Variants in UTRN observed in about 807,000 individuals in gnomAD.
The protein encoded by UTRN is dystrophin-related protein 1.
In UTRN, 283 loss-of-function variants were observed where a neutral mutation model predicts 463.9. That is an observed-to-expected ratio of 0.61 (90% CI 0.55 to 0.67). The LOEUF is 0.67. Among genes scored for constraint, UTRN ranks in the 30% least tolerant of loss-of-function variants. The pLI is 0.00. For synonymous variants in UTRN, 1,442 were observed against 1,431.5 expected (o/e 1.01, Z -0.17); for missense variants, 3,922 against 4,084.3 (o/e 0.96, Z 1.08).
Position 144,782,123 on chromosome 6 carries a change from C to T in UTRN, c.8834C>T (p.Thr2945Met), listed in dbSNP as rs200724401. ...CLNWLLNVYD[T>M]GRTGKIRVQS... ...AATTGGTTGCTCAATGTCTATGACA[C>T]GTAAGTTTATATTTTTTCTCATTAA... The change falls in exon 61 of 75, where the codon ACG becomes ATG. Residue 2945 changes from threonine to methionine, a missense_variant and splice_region_variant. Physicochemically the swap from Thr to Met is moderately conservative, Grantham distance 81 (BLOSUM62 -1). This residue lies in a region of UTRN where 1,309 missense variants were observed against 1,452.6 expected (regional missense o/e 0.90). Coordinates refer to ENST00000367545, the MANE Select transcript of UTRN (RefSeq NM_007124.3). 43 of 1,577,008 alleles carry T rather than the reference C, an allele frequency of 2.7e-5. No individual in the cohort carries two copies. Among genetic ancestry groups the T allele is most frequent in the Middle Eastern group, 1.7e-4 (1 of 5,946 alleles).
At chr6:144,591,476 A>C (rs544074848) in intron 51 of UTRN, among the ~76,000 whole-genome samples, 3 of 152,296 alleles carry the variant, frequency 2.0e-5, no homozygotes, top group Admixed American at 6.5e-5. Flanking sequence ...ATGGCCCCTA[A>C]AAATCTAGTT....
intron 51 of UTRN, among the ~76,000 whole-genome samples, chr6:144,654,078 C>T (rs1779091863): frequency 6.6e-6 from 1 of 152,090 alleles, no homozygotes; most frequent in African/African-American, 2.4e-5. Context: ...TGGTGTGTGA[C>T]TTTTTGTGGG....
At chr6:144,834,029 G>A (rs189958034) in intron 69 of UTRN, among the ~76,000 whole-genome samples, 2 of 152,296 alleles carry the variant, frequency 1.3e-5, no homozygotes, top group Admixed American at 6.5e-5. Context: ...CAAGCATGGG[G>A]TTCTTGCAGA....
intron 73 of UTRN, among the ~76,000 whole-genome samples, 187 bp from the exon 74 acceptor site, chr6:144,846,618 C>G (rs1782037151): frequency 6.6e-6 from 1 of 151,818 alleles, no homozygotes; most frequent in African/African-American, 2.4e-5. Flanking sequence ...AAAACTAGCC[C>G]TCATTGAAGC....
intron 51 of UTRN, among the ~76,000 whole-genome samples, chr6:144,653,612 C>T (rs891574245): frequency 4.0e-5 from 6 of 151,574 alleles, no homozygotes; most frequent in Admixed American, 2.0e-4. Context: ...GAAATTATCT[C>T]TCTTTTCCAT....
chr6:144,668,177 G>A (rs1286815658), intron 51 of UTRN, among the ~76,000 whole-genome samples: 1 of 152,104 alleles, frequency 6.6e-6, no homozygotes, highest in African/African-American at 2.4e-5. Context: ...ATAATACTAG[G>A]TCAGTGCTGC....
At chr6:144,496,599 ACT>A (rs1253566434) in intron 33 of UTRN, among the ~76,000 whole-genome samples, 1 of 152,194 alleles carries the variant, frequency 6.6e-6, no homozygotes, top group Non-Finnish European at 1.5e-5. Flanking sequence ...TCGAGATTTT[ACT>A]CTGTGTCAGG....
intron 51 of UTRN, among the ~76,000 whole-genome samples, chr6:144,579,849 A>G (rs974290703): frequency 2.6e-5 from 4 of 152,170 alleles, no homozygotes; most frequent in African/African-American, 9.6e-5. Context: ...AAAGATAAAT[A>G]TGTACATTTA....
chr6:144,342,273 GGCAGTTCTTCCAAAGGTTAA>G (rs1020883071), intron 2 of UTRN, among the ~76,000 whole-genome samples: 3 of 151,938 alleles, frequency 2.0e-5, no homozygotes, highest in Admixed American at 1.3e-4. Flanking sequence ...AAAGCTGTCT[GGCAGTTCTTCCAAAGGTTAA>G]GCATAGGGTT....
chr6:144,569,403 CTT>C (rs1446126670), intron 50 of UTRN, among the ~76,000 whole-genome samples: 6 of 151,924 alleles, frequency 3.9e-5, no homozygotes, highest in Non-Finnish European at 7.4e-5. Context: ...TTCCAGGACA[CTT>C]ATCATTAAAT....
intron 41 of UTRN, among the ~76,000 whole-genome samples, chr6:144,529,285 A>T (rs1796834217): frequency 2.0e-5 from 3 of 152,210 alleles, no homozygotes; most frequent in African/African-American, 7.2e-5. Context: ...GCTGATCTCC[A>T]GTTCCTCGGC....
At chr6:144,377,614 A>T (rs534170447) in intron 2 of UTRN, among the ~76,000 whole-genome samples, 163 of 152,276 alleles carry the variant, frequency 1.1e-3, no homozygotes, top group Non-Finnish European at 2.0e-3. Flanking sequence ...TGCCATTATT[A>T]ACAGTTTCTT....
At chr6:144,397,342 T>C (rs1290784898) in intron 2 of UTRN, among the ~76,000 whole-genome samples, 1 of 152,180 alleles carries the variant, frequency 6.6e-6, no homozygotes, top group Non-Finnish European at 1.5e-5. Flanking sequence ...GGCTCCATAA[T>C]TGCCTTCAGT....
At chr6:144,457,723 C>T (rs1789003083) in intron 19 of UTRN, among the ~76,000 whole-genome samples, 1 of 152,168 alleles carries the variant, frequency 6.6e-6, no homozygotes, top group African/African-American at 2.4e-5. Context: ...TCAGTAGACA[C>T]AGTGTATTAT....
chr6:144,396,225 A>T (rs1782398999), intron 2 of UTRN, among the ~76,000 whole-genome samples: 1 of 152,274 alleles, frequency 6.6e-6, no homozygotes, highest in Non-Finnish European at 1.5e-5. Context: ...TACAAGCTAC[A>T]ACATGGATGA....
intron 74 of UTRN, among the ~76,000 whole-genome samples, chr6:144,850,333 G>A (rs1782381065): frequency 6.6e-6 from 1 of 152,098 alleles, no homozygotes; most frequent in African/African-American, 2.4e-5. Flanking sequence ...TTTCCTGAGG[G>A]TCCAGAAAGG....
At chr6:144,530,103 A>T (rs923724618) in intron 41 of UTRN, among the ~76,000 whole-genome samples, 1 of 152,228 alleles carries the variant, frequency 6.6e-6, no homozygotes, top group African/African-American at 2.4e-5. Context: ...TCATTACCCG[A>T]AGTACATTAA....
chr6:144,687,484 TAATC>T (rs1306782503), intron 52 of UTRN, among the ~76,000 whole-genome samples: 4 of 152,106 alleles, frequency 2.6e-5, no homozygotes, highest in Admixed American at 1.3e-4. Context: ...AATAATGAAA[TAATC>T]AAACAAGAAG....
In UTRN at chr6:144,502,866, A is replaced by G. The variant is rs550292350; in HGVS notation, c.4764+3439A>G. Among the ~76,000 whole-genome samples, 10 of 152,332 alleles carry G rather than the reference A, an allele frequency of 6.6e-5. No homozygotes were observed. In the South Asian group the frequency reaches 8.3e-4, roughly 13 times the overall value. On this transcript the variant is annotated intron_variant, in intron 34 of 74. Transcript: ENST00000367545. ...GGTTGAAATAATTTACACTCCCACC[A>G]ACAGTGTAAAAGCATTCCTATTTCT...
Sources: allele counts gnomAD v4.1 joint callset (sites outside exome capture counted in the v4.1 genomes callset), GRCh38; gene constraint gnomAD v4.1.1; regional missense constraint gnomAD v4.1.1; transcripts MANE v1.5; gene names NCBI Gene and HGNC (gene_info 2026-07-23, HGNC 2026-07-21).